Variants in TRRAP observed in about 807,000 individuals in gnomAD.
The protein encoded by TRRAP is transformation/transcription domain associated protein, also known as transformation/transcription domain-associated protein.
TRRAP carries 41 observed loss-of-function variants against 438.8 expected under a neutral mutation model. The ratio of observed to expected loss-of-function variants is 0.09; its 90% confidence interval spans 0.07 to 0.12. The LOEUF (loss-of-function observed/expected upper bound fraction) is 0.12. TRRAP is among the 10% of genes least tolerant of loss of function. The probability of loss-of-function intolerance (pLI) is 1.00; values close to 1 mark genes in which losing one functional copy is unlikely to be tolerated. For synonymous variants in TRRAP, 1,994 were observed against 1,962.9 expected (o/e 1.02, Z -0.42); for missense variants, 3,122 against 5,055.1 (o/e 0.62, Z 11.60).
chr7:98,891,492 C>T (rs889358226), intron 4 of TRRAP, among the ~76,000 whole-genome samples: 9 of 151,266 alleles, frequency 5.9e-5, no homozygotes, highest in Admixed American at 4.6e-4. Flanking sequence ...TGAGCCACTG[C>T]GCCCGGCCTA....
Position 98,976,109 on chromosome 7 carries a change from A to G in TRRAP, c.7840-40A>G, listed in dbSNP as rs766532896. ...GAGCGTGGTTGTGCGAGGCACCCCC[A>G]GCCCGTGGCCATCTCAGCCTGTTGT... On this transcript the variant is annotated intron_variant, in intron 53 of 72. Coordinates refer to ENST00000456197, the MANE Select transcript of TRRAP (RefSeq NM_001375524.1). This position sits in a 1 kb window ranked among gnomAD's most constrained non-coding sequence, Gnocchi z 4.6. The G allele has an allele frequency of 1.1e-5, 17 of 1,610,202 alleles. No individual in the cohort carries two copies. Among genetic ancestry groups the G allele is most frequent in the Middle Eastern group, 1.7e-4 (1 of 5,876 alleles).
At chr7:98,999,520 T>C in intron 67 of TRRAP, 1 of 726,406 alleles carries the variant, frequency 1.4e-6, no homozygotes, top group South Asian at 1.6e-5. Flanking sequence ...AATATTGGGG[T>C]GCACCAGGGT....
At chr7:98,963,915 T>C (rs1016402912) in intron 47 of TRRAP, among the ~76,000 whole-genome samples, 8 of 151,942 alleles carry the variant, frequency 5.3e-5, no homozygotes, top group Non-Finnish European at 8.8e-5. Context: ...ACCCCGTCTC[T>C]ACTAAAAATA....
intron 5 of TRRAP, among the ~76,000 whole-genome samples, chr7:98,893,113 A>G (rs1796047751): frequency 6.6e-6 from 1 of 151,864 alleles, no homozygotes; most frequent in Non-Finnish European, 1.5e-5. Context: ...CACCATGCCT[A>G]GCTGATTTTT....
At chr7:98,888,714 T>C (rs17161491) in intron 3 of TRRAP, among the ~76,000 whole-genome samples, 17,894 of 152,210 alleles carry the variant, frequency 0.12, 3,262 homozygotes, top group African/African-American at 0.39. Flanking sequence ...TTTCAAGTTT[T>C]AGTGTAAATG....
At position 98,945,759 on chromosome 7, in the gene TRRAP, G is replaced by A. The variant is rs376943143; in HGVS notation, c.4486G>A (p.Glu1496Lys). The change falls in exon 32 of 73, where the codon GAG becomes AAG. Residue 1496 changes from glutamate to lysine, a missense_variant. Physicochemically the swap from Glu to Lys is moderately conservative, Grantham distance 56 (BLOSUM62 1). This residue lies in a region of TRRAP where 108 missense variants were observed against 256.9 expected (regional missense o/e 0.42). Coordinates refer to ENST00000456197, the MANE Select transcript of TRRAP (RefSeq NM_001375524.1). ...TCCCCATCCTCAGGAAAGCATTTCC[G>A]AGTGCGGGAGATGTCCCTTGTCTCC... ...QRSDGNESIS[E>K]CGRCPLSPFC... 11 of 1,598,070 alleles carry A rather than the reference G, an allele frequency of 6.9e-6. No individual in the cohort carries two copies. Among genetic ancestry groups the A allele is most frequent in the South Asian group, 4.4e-5 (4 of 91,028 alleles).
chr7:98,940,151 T>G (rs1472073721), intron 30 of TRRAP, among the ~76,000 whole-genome samples: 1 of 152,040 alleles, frequency 6.6e-6, no homozygotes, highest in Non-Finnish European at 1.5e-5. Flanking sequence ...CCTGAAGTGC[T>G]GGGATTACAG....
chr7:98,956,137 C>T lies in TRRAP; in HGVS notation c.5938-9C>T, dbSNP rs1490037141. 4 of 1,606,246 alleles carry T rather than the reference C, an allele frequency of 2.5e-6. No homozygotes were observed. The highest frequency in any genetic ancestry group is 2.2e-5 in the East Asian group (1 of 44,726). On this transcript the variant is annotated splice_polypyrimidine_tract_variant and intron_variant, in intron 41 of 72. Transcript: ENST00000456197. The surrounding 1 kb of genome is among the most constrained non-coding windows in gnomAD (Gnocchi z 4.5). ...ATGTTCCGGCGTGATGCTGGCCCTG[C>T]GTCCGCAGGTGTACTACCCGGTACG...
At chr7:98,893,908 T>C (rs1554405360) in intron 6 of TRRAP, 27 bp downstream of exon 6, 1 of 1,604,314 alleles carries the variant, frequency 6.2e-7, no homozygotes, top group South Asian at 1.1e-5. Flanking sequence ...CCTTATAGCA[T>C]TTATAAAGTG....
intron 62 of TRRAP, among the ~76,000 whole-genome samples, chr7:98,988,133 G>A (rs1186624747): frequency 3.3e-5 from 5 of 152,292 alleles, no homozygotes; most frequent in Admixed American, 6.5e-5. Context: ...GTATCATAAA[G>A]CACCTGGGTC....
chr7:98,951,020 G>T lies in TRRAP; in HGVS notation c.5463+16G>T. 1 of 1,575,588 alleles carries T rather than the reference G, an allele frequency of 6.3e-7. No homozygotes were observed. The highest frequency in any genetic ancestry group is 8.6e-7 in the Non-Finnish European group (1 of 1,163,898). ...TATTACCAAGGTGGTATCACTATGT[G>T]TGTGGGTGTGAGAAGTAGCCTGGCA... On this transcript the variant is annotated intron_variant, in intron 39 of 72. Transcript: ENST00000456197.
At chr7:98,989,966 G>A (rs538860472) in intron 63 of TRRAP, among the ~76,000 whole-genome samples, 2 of 152,308 alleles carry the variant, frequency 1.3e-5, no homozygotes, top group Admixed American at 6.5e-5. Flanking sequence ...GGTGGCTCAC[G>A]CTTGTAAACC....
chr7:98,999,364 C>G, intron 67 of TRRAP: 8 of 1,399,008 alleles, frequency 5.7e-6, no homozygotes, highest in Non-Finnish European at 7.1e-6. Flanking sequence ...GATTCCACAT[C>G]CTGCACAGCT....
chr7:98,879,656 C>T (rs1016195761), intron 1 of TRRAP, among the ~76,000 whole-genome samples: 5 of 152,160 alleles, frequency 3.3e-5, no homozygotes, highest in Admixed American at 6.5e-5. Flanking sequence ...GTTGCCAGGT[C>T]CCCTAGCAGG....
At chr7:98,973,586 G>A (rs970315150) in intron 53 of TRRAP, among the ~76,000 whole-genome samples, 9 of 152,244 alleles carry the variant, frequency 5.9e-5, no homozygotes, top group East Asian at 1.9e-4. Context: ...TAGACCAGAC[G>A]TGGCTGAAAT....
intron 63 of TRRAP, among the ~76,000 whole-genome samples, chr7:98,989,777 A>G (rs1383290667): frequency 1.3e-5 from 2 of 152,224 alleles, no homozygotes; most frequent in African/African-American, 2.4e-5. Context: ...GGTGATGAGC[A>G]TCTGAGAGTT....
At chr7:98,894,557 C>A (rs1376205386) in intron 6 of TRRAP, among the ~76,000 whole-genome samples, 2 of 151,502 alleles carry the variant, frequency 1.3e-5, no homozygotes, top group Admixed American at 1.3e-4. Flanking sequence ...AGGATTCCTA[C>A]CATCTCAAAA....
chr7:98,879,829 T>C (rs1795337015), intron 1 of TRRAP, among the ~76,000 whole-genome samples: 1 of 152,160 alleles, frequency 6.6e-6, no homozygotes, highest in African/African-American at 2.4e-5. Flanking sequence ...AGGAGCTCTC[T>C]AGTGTCACCT....
chr7:98,960,921 G>A (rs1791863129), intron 45 of TRRAP, among the ~76,000 whole-genome samples: 3 of 152,058 alleles, frequency 2.0e-5, no homozygotes, highest in South Asian at 2.1e-4. Flanking sequence ...TGGCCTGGAA[G>A]GATATTTGTA....
Sources: allele counts gnomAD v4.1 joint callset (sites outside exome capture counted in the v4.1 genomes callset), GRCh38; gene constraint gnomAD v4.1.1; regional missense constraint gnomAD v4.1.1; non-coding constraint Gnocchi (gnomAD v3.1); transcripts MANE v1.5; gene names NCBI Gene and HGNC (gene_info 2026-07-23, HGNC 2026-07-21).